Variants in DNAH14 observed in about 807,000 individuals in gnomAD.
DNAH14 encodes axonemal beta dynein heavy chain 14.
In DNAH14, 478 loss-of-function variants were observed where a neutral mutation model predicts 520.9. The observed-to-expected ratio is 0.92, with a 90% CI of 0.85 to 0.99. The LOEUF is 0.99. Ranked by LOEUF, DNAH14 falls within the 50% of genes least tolerant of loss-of-function variation. The pLI is 0.00. For synonymous variants in DNAH14, 1,581 were observed against 1,757.2 expected (o/e 0.90, Z 2.51); for missense variants, 4,831 against 5,234.5 (o/e 0.92, Z 2.38).
intron 60 of DNAH14, among the ~76,000 whole-genome samples, chr1:225,315,538 T>G (rs758586052): frequency 5.9e-5 from 9 of 152,188 alleles, no homozygotes; most frequent in Non-Finnish European, 1.3e-4. Context: ...TTTGGAATTT[T>G]CAGCATTTTT....
intron 35 of DNAH14, among the ~76,000 whole-genome samples, chr1:225,163,375 C>G (rs1435231055): frequency 6.6e-6 from 1 of 152,136 alleles, no homozygotes; most frequent in East Asian, 1.9e-4. Context: ...ATTGCTCCAG[C>G]TAAGACTTCC....
chr1:225,024,034 T>C, intron 11 of DNAH14, 169 bp downstream of exon 11: 1 of 1,213,582 alleles, frequency 8.2e-7, no homozygotes, highest in Non-Finnish European at 1.0e-6. Context: ...TGGTAATACC[T>C]TACTTAATAT....
rs533969172 is a variant in DNAH14 at position 225,107,031 on chromosome 1, G to A, written c.3867+6147G>A. ...TTTTATCTACCTTTGGTCTTTGATG[G>A]TGGTGACGTACAGATGGGGTTTTGG... On this transcript the variant is annotated intron_variant, in intron 23 of 85. Coordinates refer to ENST00000682510, the MANE Select transcript of DNAH14 (RefSeq NM_001367479.1). Among the ~76,000 whole-genome samples, 38 of 152,210 alleles carry A rather than the reference G, an allele frequency of 2.5e-4. No homozygotes were observed. In the South Asian group the frequency reaches 7.7e-3, roughly 31 times the overall value.
intron 17 of DNAH14, among the ~76,000 whole-genome samples, chr1:225,058,011 G>C (rs10915766): frequency 0.91 from 138,163 of 152,116 alleles, 64,168 homozygotes; most frequent in East Asian, 1. Context: ...TGTGTCTCTG[G>C]CAGGCTTTGG....
chr1:224,949,389 T>C (rs2060031461), intron 1 of DNAH14, among the ~76,000 whole-genome samples: 1 of 152,190 alleles, frequency 6.6e-6, no homozygotes, highest in Admixed American at 6.5e-5. Flanking sequence ...TATGAACATA[T>C]GTTCATTCTG....
intron 36 of DNAH14, among the ~76,000 whole-genome samples, chr1:225,177,074 C>T (rs2149267102): frequency 6.6e-6 from 1 of 152,036 alleles, no homozygotes; most frequent in East Asian, 1.9e-4. Flanking sequence ...TGATCAAAAG[C>T]CTGATAGCAA....
chr1:225,139,293 A>G (rs550884879), intron 27 of DNAH14, among the ~76,000 whole-genome samples: 1 of 152,348 alleles, frequency 6.6e-6, no homozygotes, highest in African/African-American at 2.4e-5. Context: ...TCCTAAGATA[A>G]GATGTTTCCT....
chr1:225,301,150 G>T (rs543359315), intron 56 of DNAH14, 120 bp downstream of exon 56: 3 of 1,166,714 alleles, frequency 2.6e-6, no homozygotes, highest in African/African-American at 3.1e-5. Flanking sequence ...GAGTTTTTAA[G>T]GTAAAATAAT....
At chr1:224,945,322 G>A (rs112711608) in intron 1 of DNAH14, among the ~76,000 whole-genome samples, 8,019 of 152,038 alleles carry the variant, frequency 0.053, 322 homozygotes, top group Non-Finnish European at 0.078. Flanking sequence ...CGTAGTTATC[G>A]TGCCTTGGTT....
chr1:225,386,316 A>G (rs1398991430), intron 81 of DNAH14, among the ~76,000 whole-genome samples: 1 of 152,244 alleles, frequency 6.6e-6, no homozygotes, highest in Non-Finnish European at 1.5e-5. Context: ...GGACATAGGC[A>G]TGGGCAAGGA....
At chr1:225,269,064 C>T (rs1416884504) in intron 49 of DNAH14, among the ~76,000 whole-genome samples, 1 of 152,204 alleles carries the variant, frequency 6.6e-6, no homozygotes, top group Non-Finnish European at 1.5e-5. Flanking sequence ...CATCACGCTA[C>T]CTGACTTCAA....
intron 42 of DNAH14, among the ~76,000 whole-genome samples, chr1:225,235,940 A>T (rs569085007): frequency 6.6e-5 from 10 of 151,818 alleles, no homozygotes; most frequent in Non-Finnish European, 1.5e-4. Context: ...CTTTTTTATT[A>T]GTCTAAGCAG....
chr1:224,930,940 T>C (rs2058658820), intron 1 of DNAH14, among the ~76,000 whole-genome samples: 1 of 152,184 alleles, frequency 6.6e-6, no homozygotes, highest in South Asian at 2.1e-4. Flanking sequence ...GTACTCCTCT[T>C]TATTAAAAAA....
chr1:224,992,048 C>T (rs2489332), intron 8 of DNAH14, among the ~76,000 whole-genome samples: 22,986 of 152,058 alleles, frequency 0.15, 3,204 homozygotes, highest in African/African-American at 0.36. Flanking sequence ...AGTTTGTACA[C>T]GCATAGGTTC....
intron 41 of DNAH14, among the ~76,000 whole-genome samples, chr1:225,225,180 G>T (rs768667500): frequency 6.6e-6 from 1 of 152,120 alleles, no homozygotes; most frequent in Non-Finnish European, 1.5e-5. Context: ...TTCCCAGATT[G>T]CCAGCTCACA....
chr1:225,257,042 C>A (rs553030272), intron 44 of DNAH14, among the ~76,000 whole-genome samples: 2 of 152,108 alleles, frequency 1.3e-5, no homozygotes, highest in Non-Finnish European at 2.9e-5. Flanking sequence ...CAGAGACCCC[C>A]AGGCACTTGT....
rs760321069 is a variant in DNAH14, at chr1:225,337,392, C to T, written c.10207C>T (p.Arg3403Cys). ...DPHRQAHKWI[R>C]QMEGSRLQKL... ...ACATAGGCAAGCTCACAAATGGATC[C>T]GTCAGATGGAAGGATCCAGGCTGCA... Residue 3403 changes from arginine (R) to cysteine (C), a missense_variant, in exon 67 of 86, where the codon CGT becomes TGT. Transcript: ENST00000682510. 28 of 1,551,434 alleles carry T rather than the reference C, an allele frequency of 1.8e-5. No homozygotes were observed. The highest frequency in any genetic ancestry group is 1.7e-4 in the Middle Eastern group (1 of 6,014).
rs182296395 is a variant in DNAH14 at position 225,186,611 on chromosome 1, G to A, written c.5670+1186G>A. ...TAATAATACAGTAAAATGTGAAAAC[G>A]TATTACTGTATTAGCTTTGATTATT... On this transcript the variant is annotated intron_variant, in intron 37 of 85. Transcript: ENST00000682510. Among the ~76,000 whole-genome samples, 632 of 151,568 alleles carry A rather than the reference G, an allele frequency of 4.2e-3. 4 individuals are homozygous for A. The highest frequency in any genetic ancestry group is 0.014 in the African/African-American group (597 of 41,424).
intron 23 of DNAH14, among the ~76,000 whole-genome samples, chr1:225,105,141 G>C (rs1244596094): frequency 3.3e-5 from 5 of 152,152 alleles, no homozygotes; most frequent in Non-Finnish European, 7.4e-5. Flanking sequence ...ATTTCCTTAT[G>C]TATCCAGTAG....
Sources: gnomAD v4.1 joint callset for allele counts (sites outside exome capture counted in the v4.1 genomes callset) on GRCh38, gnomAD v4.1.1 for gene constraint, MANE v1.5 for transcripts, NCBI Gene and HGNC (gene_info 2026-07-23, HGNC 2026-07-21) for gene names.